Variants in PKP4 observed in about 807,000 individuals in gnomAD.
PKP4 encodes plakophilin-4.
PKP4 carries 90 observed loss-of-function variants against 145.1 expected under a neutral mutation model. That is an observed-to-expected ratio of 0.62 (90% CI 0.52 to 0.74). The LOEUF (loss-of-function observed/expected upper bound fraction) is 0.74. PKP4 is among the 30% of genes least tolerant of loss of function. PKP4 has a pLI of 0.00. For missense variants in PKP4, 1,340 were observed against 1,482.7 expected, an observed-to-expected ratio of 0.90 and a Z score of 1.58; for synonymous variants, 563 against 577.2, an observed-to-expected ratio of 0.98 and a Z score of 0.35.
rs762583699 is a variant in PKP4 at position 158,680,655 on chromosome 2, G to C, written c.3557G>C (p.Gly1186Ala). 7 of 1,613,302 alleles carry C rather than the reference G, an allele frequency of 4.3e-6. No individual in the cohort carries two copies. Among genetic ancestry groups the C allele is most frequent in the Admixed American group, 1.7e-5 (1 of 59,832 alleles). ...TCTTATAGAGCAGAACAGTACCCAG[G>C]GTCCCCAGACTCATGGGTGTAGCAT... ...RPSYRAEQYP[G>A]SPDSWV Residue 1186 changes from glycine to alanine, a missense_variant, in exon 22 of 22, where the codon GGG becomes GCG. Gly to Ala is a moderately conservative substitution (Grantham distance 60). Coordinates refer to ENST00000389759, the MANE Select transcript of PKP4 (RefSeq NM_003628.6).
At chr2:158,536,335 A>G (rs978025421) in intron 2 of PKP4, among the ~76,000 whole-genome samples, 7 of 152,224 alleles carry the variant, frequency 4.6e-5, no homozygotes, top group Non-Finnish European at 1.5e-5. Flanking sequence ...GAACATGCTA[A>G]TTTATTGCAA....
rs143428500 is a variant in PKP4, at chr2:158,622,745, A to G, written c.603+1324A>G. ...GGAAATCTTGTGCATGTGGCAAGCA[A>G]CTTCAGGCTGCACCCCAAGTCCTCA... On this transcript the variant is annotated intron_variant, in intron 6 of 21. Transcript: ENST00000389759. Among the ~76,000 whole-genome samples, 641 of 152,332 alleles carry G rather than the reference A, an allele frequency of 4.2e-3. 2 individuals are homozygous for G. The highest frequency in any genetic ancestry group is 9.9e-3 in the South Asian group (48 of 4,826).
At position 158,662,878 on chromosome 2, in the gene PKP4, A is replaced by G. The variant is rs2056736090; in HGVS notation, c.2212-19A>G. 6.3e-7 allele frequency: 1 copy of G among 1,577,884 alleles called. No homozygotes were observed. The highest frequency in any genetic ancestry group is 1.4e-5 in the African/African-American group (1 of 73,100). On this transcript the variant is annotated intron_variant, in intron 13 of 21. Transcript: ENST00000389759. ...AATGTGCCGAGTTGTTTTTAATTAT[A>G]CGCCATGCTGGGTTTCAGACGGTGG...
intron 1 of PKP4, among the ~76,000 whole-genome samples, chr2:158,485,777 T>C (rs1293216790): frequency 6.6e-6 from 1 of 152,208 alleles, no homozygotes; most frequent in African/African-American, 2.4e-5. Flanking sequence ...TCATAATGGC[T>C]GAAGATTTGT....
intron 2 of PKP4, among the ~76,000 whole-genome samples, chr2:158,575,948 A>T (rs1296760748): frequency 6.6e-6 from 1 of 152,188 alleles, no homozygotes; most frequent in African/African-American, 2.4e-5. Context: ...TTAAGAGCCT[A>T]GGAATTGTTA....
At chr2:158,545,578 T>C (rs559871958) in intron 2 of PKP4, among the ~76,000 whole-genome samples, 32 of 152,312 alleles carry the variant, frequency 2.1e-4, no homozygotes, top group Middle Eastern at 3.4e-3. Context: ...CTTATACTTA[T>C]TTAAACCTGT....
At chr2:158,533,719 G>A (rs994185074) in intron 2 of PKP4, among the ~76,000 whole-genome samples, 9 of 152,186 alleles carry the variant, frequency 5.9e-5, no homozygotes, top group Non-Finnish European at 1.2e-4. Context: ...ATATAGGATT[G>A]TCTCTGTGAT....
At chr2:158,536,111 T>G (rs1252728447) in intron 2 of PKP4, among the ~76,000 whole-genome samples, 1 of 152,216 alleles carries the variant, frequency 6.6e-6, no homozygotes, top group Non-Finnish European at 1.5e-5. Context: ...TGGTTCTACT[T>G]GTAACCATAC....
At chr2:158,572,490 C>A (rs1574549198) in intron 2 of PKP4, among the ~76,000 whole-genome samples, 1 of 152,308 alleles carries the variant, frequency 6.6e-6, no homozygotes, top group Admixed American at 6.5e-5. Flanking sequence ...AGATATCTGG[C>A]AAATCTAGGT....
intron 1 of PKP4, among the ~76,000 whole-genome samples, chr2:158,510,862 AC>A (rs2041444273): frequency 1.3e-5 from 2 of 152,092 alleles, no homozygotes; most frequent in South Asian, 4.1e-4. Flanking sequence ...ATGCAGAGGG[AC>A]CCCTTCCAAA....
At chr2:158,542,660 C>T (rs2044620474) in intron 2 of PKP4, among the ~76,000 whole-genome samples, 1 of 152,030 alleles carries the variant, frequency 6.6e-6, no homozygotes, top group South Asian at 2.1e-4. Flanking sequence ...ATCAGAAATG[C>T]AAAGAATGGA....
At chr2:158,525,839 G>T (rs920185572) in intron 1 of PKP4, among the ~76,000 whole-genome samples, 1 of 147,538 alleles carries the variant, frequency 6.8e-6, no homozygotes, top group Non-Finnish European at 1.5e-5. Context: ...ACTACCATCA[G>T]AGAATACTAC....
intron 2 of PKP4, among the ~76,000 whole-genome samples, chr2:158,558,121 C>A (rs1286906879): frequency 6.6e-6 from 1 of 152,170 alleles, no homozygotes; most frequent in Non-Finnish European, 1.5e-5. Context: ...CACCATATGA[C>A]CATGGCTCTA....
chr2:158,492,217 G>A (rs534601284), intron 1 of PKP4, among the ~76,000 whole-genome samples: 1 of 151,862 alleles, frequency 6.6e-6, no homozygotes, highest in African/African-American at 2.4e-5. Context: ...GGCCTCAGTT[G>A]CCCACAGAGT....
intron 1 of PKP4, among the ~76,000 whole-genome samples, chr2:158,492,040 C>T (rs944891172): frequency 6.6e-6 from 1 of 152,120 alleles, no homozygotes; most frequent in African/African-American, 2.4e-5. Flanking sequence ...AACCTCTAGG[C>T]TGAAATAGTC....
At chr2:158,583,371 T>G (rs1346018892) in intron 3 of PKP4, among the ~76,000 whole-genome samples, 4 of 152,194 alleles carry the variant, frequency 2.6e-5, no homozygotes, top group African/African-American at 9.7e-5. Flanking sequence ...AAGCAGGCAA[T>G]GGTGTAGATA....
chr2:158,480,492 C>T (rs1412626541), intron 1 of PKP4, among the ~76,000 whole-genome samples: 2 of 151,328 alleles, frequency 1.3e-5, no homozygotes, highest in Admixed American at 1.3e-4. Flanking sequence ...CTACCTTGGC[C>T]TCCCAAAGTA....
chr2:158,674,064 A>G, intron 19 of PKP4, 64 bp downstream of exon 19: 1 of 917,326 alleles, frequency 1.1e-6, no homozygotes, highest in South Asian at 1.3e-5. Flanking sequence ...TTCCCCAGCC[A>G]GAGAAGATCA....
intron 19 of PKP4, among the ~76,000 whole-genome samples, chr2:158,676,145 T>G (rs2057989497): frequency 1.3e-5 from 2 of 152,166 alleles, no homozygotes; most frequent in African/African-American, 4.8e-5. Flanking sequence ...TGAGCCAGGC[T>G]TACTGGGTTT....
Sources: allele counts gnomAD v4.1 joint callset (sites outside exome capture counted in the v4.1 genomes callset), GRCh38; gene constraint gnomAD v4.1.1; transcripts MANE v1.5; gene names NCBI Gene and HGNC (gene_info 2026-07-23, HGNC 2026-07-21).